ADGRV1: variants seen among roughly 807,000 people sequenced by gnomAD.
ADGRV1 encodes G-protein coupled receptor 98.
In ADGRV1, 359 loss-of-function variants were observed where a neutral mutation model predicts 596.2. That is an observed-to-expected ratio of 0.60 (90% confidence interval 0.55 to 0.66). The LOEUF (loss-of-function observed/expected upper bound fraction) is 0.66. Among genes scored for constraint, ADGRV1 ranks in the 30% least tolerant of loss-of-function variants. The pLI, the probability that ADGRV1 is intolerant of heterozygous loss-of-function variation, is 0.00. For missense variants in ADGRV1, 7,274 were observed against 7,575.6 expected (o/e 0.96, Z 1.48); for synonymous variants, 2,681 against 2,679.2 (o/e 1.00, Z -0.02).
At chr5:91,020,882 G>C (rs1020870719) in intron 85 of ADGRV1, among the ~76,000 whole-genome samples, 2 of 152,002 alleles carry the variant, frequency 1.3e-5, no homozygotes, top group Non-Finnish European at 2.9e-5. Flanking sequence ...GTACAAGTTA[G>C]TTCTTGTGCT....
intron 42 of ADGRV1, among the ~76,000 whole-genome samples, chr5:90,714,556 A>G (rs1749826238): frequency 6.6e-6 from 1 of 151,822 alleles, no homozygotes; most frequent in South Asian, 2.1e-4. Context: ...ATTTTACTAT[A>G]TTTTCTACTA....
chr5:90,596,112 G>C lies in ADGRV1; in HGVS notation c.23-18723G>C, dbSNP rs564310438. On this transcript the variant is annotated intron_variant, in intron 1 of 89. Transcript: ENST00000405460. ...AGAGACGCTCCTCAACTCCCAGATG[G>C]GGTGGCGGCCGGGCAGAGGCGCTCC... is the stretch of plus-strand genomic sequence containing the variant. Among the ~76,000 whole-genome samples, 38 of 149,782 alleles carry C rather than the reference G, an allele frequency of 2.5e-4. 1 individual carries two copies. Among genetic ancestry groups the C allele is most frequent in the Admixed American group, 2.2e-3 (33 of 15,170 alleles).
chr5:90,687,099 T>C (rs936912364), intron 29 of ADGRV1, among the ~76,000 whole-genome samples: 7 of 152,144 alleles, frequency 4.6e-5, no homozygotes, highest in African/African-American at 1.7e-4. Flanking sequence ...TCATTGTAGA[T>C]TCTGGATATT....
chr5:90,870,097 A>G (rs1460808674), intron 83 of ADGRV1, among the ~76,000 whole-genome samples: 1 of 152,210 alleles, frequency 6.6e-6, no homozygotes, highest in South Asian at 2.1e-4. Flanking sequence ...TAAGGTTTCC[A>G]TAGCATGGAG....
At chr5:91,147,028 A>G (rs945192038) in intron 87 of ADGRV1, among the ~76,000 whole-genome samples, 3 of 152,020 alleles carry the variant, frequency 2.0e-5, no homozygotes, top group Admixed American at 6.5e-5. Flanking sequence ...CTAGCCAAAC[A>G]TGGTGAAACA....
chr5:90,709,982 C>T (rs781467835), intron 39 of ADGRV1, among the ~76,000 whole-genome samples: 1 of 152,178 alleles, frequency 6.6e-6, no homozygotes, highest in Non-Finnish European at 1.5e-5. Flanking sequence ...AGAGAAGCTG[C>T]GTAATATGCC....
intron 82 of ADGRV1, among the ~76,000 whole-genome samples, chr5:90,857,850 A>T (rs1724721609): frequency 6.6e-6 from 1 of 152,202 alleles, no homozygotes; most frequent in African/African-American, 2.4e-5. Context: ...GTCAAGACAC[A>T]TTGAATATCA....
At chr5:91,146,688 G>A (rs73771197) in intron 87 of ADGRV1, among the ~76,000 whole-genome samples, 8,703 of 152,162 alleles carry the variant, frequency 0.057, 699 homozygotes, top group African/African-American at 0.18. Context: ...CCCAGTTTCA[G>A]CATTTTCCTA....
chr5:90,875,147 T>G (rs1303901510), intron 83 of ADGRV1, among the ~76,000 whole-genome samples: 4 of 152,046 alleles, frequency 2.6e-5, no homozygotes, highest in Non-Finnish European at 5.9e-5. Context: ...GAATTATGAT[T>G]TCACCACTGC....
intron 85 of ADGRV1, among the ~76,000 whole-genome samples, chr5:91,050,003 G>A (rs993621005): frequency 2.0e-5 from 3 of 152,174 alleles, no homozygotes; most frequent in African/African-American, 7.2e-5. Context: ...AGTCATGTGC[G>A]GGCCTGCCAG....
intron 83 of ADGRV1, among the ~76,000 whole-genome samples, chr5:90,916,777 C>T (rs1773411218): frequency 6.8e-6 from 1 of 147,072 alleles, no homozygotes; most frequent in South Asian, 2.2e-4. Flanking sequence ...GGACTACAGG[C>T]GCCCGCCACT....
chr5:90,649,805 A>G (rs1405089266), intron 17 of ADGRV1, among the ~76,000 whole-genome samples: 3 of 152,214 alleles, frequency 2.0e-5, no homozygotes, highest in African/African-American at 7.2e-5. Context: ...TGACGCTTGA[A>G]AAAGAGGTTT....
In ADGRV1 at chr5:90,696,964, C is replaced by T. The variant is rs375054830; in HGVS notation, c.7973C>T (p.Thr2658Ile). ...GAAACCAAAAAGACAGTCATTTTAA[C>T]CATCTTGGATGACTCTGAACCAGAG... ...EGETKKTVIL[T>I]ILDDSEPEDD... The change falls in exon 34 of 90, where the codon ACC (threonine) becomes ATC (isoleucine). Residue 2658 changes from threonine (T) to isoleucine (I), a missense_variant. Physicochemically the swap from Thr to Ile is moderately conservative, Grantham distance 89. Around this residue, in one of 5 missense-constraint regions of ADGRV1, gnomAD observed 3,643 missense variants for 3,809.2 expected, o/e 0.96. Coordinates refer to ENST00000405460, the MANE Select transcript of ADGRV1 (RefSeq NM_032119.4). 19 of 1,610,654 alleles carry T rather than the reference C, an allele frequency of 1.2e-5. No individual in the cohort carries two copies. Among genetic ancestry groups the T allele is most frequent in the Non-Finnish European group, 1.5e-5 (18 of 1,177,944 alleles).
intron 86 of ADGRV1, among the ~76,000 whole-genome samples, chr5:91,088,936 A>G (rs1790137025): frequency 3.3e-5 from 5 of 152,202 alleles, no homozygotes; most frequent in Admixed American, 3.3e-4. Context: ...TCCCTAGAGT[A>G]TATACATAGC....
chr5:90,587,452 A>C (rs1046427160), intron 1 of ADGRV1, among the ~76,000 whole-genome samples: 3 of 152,156 alleles, frequency 2.0e-5, no homozygotes, highest in African/African-American at 7.2e-5. Context: ...TTTACAAAGA[A>C]AAAAGTCATG....
At chr5:91,149,430 T>C (rs1330148534) in intron 87 of ADGRV1, among the ~76,000 whole-genome samples, 1 of 152,226 alleles carries the variant, frequency 6.6e-6, no homozygotes, top group African/African-American at 2.4e-5. Flanking sequence ...CACTCATTGT[T>C]TCTCCTGCCA....
chr5:90,577,706 G>A (rs1041691692), intron 1 of ADGRV1, among the ~76,000 whole-genome samples: 15 of 152,136 alleles, frequency 9.9e-5, no homozygotes, highest in African/African-American at 3.6e-4. Flanking sequence ...ATTACTTTGG[G>A]CATTATGGCC....
intron 83 of ADGRV1, among the ~76,000 whole-genome samples, chr5:90,928,985 C>G (rs971722609): frequency 2.0e-5 from 3 of 148,920 alleles, no homozygotes; most frequent in Admixed American, 2.0e-4. Flanking sequence ...GGCAGTCTGC[C>G]CGTTCTCAGA....
Position 90,686,343 on chromosome 5 carries a change from T to G in ADGRV1, c.6490+348T>G, listed in dbSNP as rs1745643093. 2.6e-5 allele frequency among the ~76,000 whole-genome samples: 4 copies of G among 152,146 alleles called. No individual in the cohort carries two copies. In the South Asian group the frequency reaches 8.3e-4, roughly 31 times the overall value. Reference sequence around the variant, plus strand: ...CTCATCATTTGGCATTAGGTATATCTCCTAAAGCTATCCCTCCCCGCTCCC... The same window carrying G: ...CTCATCATTTGGCATTAGGTATATCGCCTAAAGCTATCCCTCCCCGCTCCC... On this transcript the variant is annotated intron_variant, in intron 29 of 89. Transcript: ENST00000405460.
Sources: allele counts gnomAD v4.1 joint callset (sites outside exome capture counted in the v4.1 genomes callset), GRCh38; gene constraint gnomAD v4.1.1; regional missense constraint gnomAD v4.1.1; transcripts MANE v1.5; gene names NCBI Gene and HGNC (gene_info 2026-07-23, HGNC 2026-07-21).